The following RIOK3 variants were observed in gnomAD, a reference collection of about 807,000 sequenced individuals.
RIOK3 encodes RIO kinase 3.
In RIOK3, 40 loss-of-function variants were observed where a neutral mutation model predicts 63.5. The ratio of observed to expected loss-of-function variants is 0.63; its 90% CI spans 0.49 to 0.82. The LOEUF is 0.82. Ranked by LOEUF, RIOK3 falls within the 40% of genes least tolerant of loss-of-function variation. The pLI, the probability that RIOK3 is intolerant of heterozygous loss-of-function variation, is 0.00. For synonymous variants in RIOK3, 193 were observed against 205.0 expected (o/e 0.94, Z 0.50); for missense variants, 557 against 637.0 (o/e 0.87, Z 1.35).
At chr18:23,456,899 G>A (rs567996243) in intron 1 of RIOK3, among the ~76,000 whole-genome samples, 100 of 152,258 alleles carry the variant, frequency 6.6e-4, no homozygotes, top group Non-Finnish European at 7.2e-4. Context: ...GGTAATAAGA[G>A]CGTAGTAGAA....
At chr18:23,461,383 C>T (rs956657057) in intron 1 of RIOK3, among the ~76,000 whole-genome samples, 15 of 152,178 alleles carry the variant, frequency 9.9e-5, no homozygotes, top group African/African-American at 3.4e-4. Context: ...GAACCCATCA[C>T]ATCTGCATTT....
intron 1 of RIOK3, among the ~76,000 whole-genome samples, chr18:23,453,853 G>A (rs1350620500): frequency 6.6e-6 from 1 of 152,260 alleles, no homozygotes; most frequent in East Asian, 1.9e-4. Flanking sequence ...GGCCAAGTGA[G>A]TCAGCCGAAT....
intron 7 of RIOK3, among the ~76,000 whole-genome samples, chr18:23,469,673 A>G (rs2057442998): frequency 6.6e-6 from 1 of 151,408 alleles, no homozygotes; most frequent in Non-Finnish European, 1.5e-5. Flanking sequence ...TTTTTAGTAG[A>G]GACGGGGTTT....
At chr18:23,464,375 A>G (rs2057392375) in intron 4 of RIOK3, 62 bp downstream of exon 4, 1 of 1,271,396 alleles carries the variant, frequency 7.9e-7, no homozygotes, top group Non-Finnish European at 1.1e-6. Flanking sequence ...TAATCTTTTC[A>G]ATGAACTCTT....
chr18:23,473,357 A>T (rs2057468285), intron 7 of RIOK3, 72 bp from the exon 8 acceptor site: 1 of 891,484 alleles, frequency 1.1e-6, no homozygotes. Context: ...GTGTTACAGA[A>T]TCTTTATTTT....
chr18:23,453,296 C>CGCG lies in RIOK3; in HGVS notation c.-141_-139dup, dbSNP rs923322804. On this transcript the variant is annotated 5_prime_UTR_variant, in exon 1 of 13. Transcript: ENST00000339486. ...GGAAGAGGAGAGATCCAGTTCCGGA[C>CGCG]GCGGCCGCCGCCGTCGCCGCCATCT... is the stretch of plus-strand genomic sequence containing the variant. 85 of 699,310 alleles carry CGCG rather than the reference C, an allele frequency of 1.2e-4. No individual in the cohort carries two copies. The highest frequency in any genetic ancestry group is 7.5e-4 in the Admixed American group (36 of 48,072). 43.3% of individuals were successfully genotyped at this position (699,310 alleles called of 1,614,324 possible).
intron 3 of RIOK3, 26 bp downstream of exon 3, chr18:23,464,138 T>C: frequency 6.2e-7 from 1 of 1,607,652 alleles, no homozygotes; most frequent in Non-Finnish European, 8.5e-7. Context: ...TGTGACAACT[T>C]CATTGAGTGG....
At chr18:23,466,312 T>A in intron 6 of RIOK3, 36 bp downstream of exon 6, 1 of 1,469,946 alleles carries the variant, frequency 6.8e-7, no homozygotes, top group Non-Finnish European at 9.1e-7. Context: ...TCTTTTTTAC[T>A]AGAAAGATTC....
intron 1 of RIOK3, among the ~76,000 whole-genome samples, chr18:23,455,018 C>G (rs71360524): frequency 0.11 from 16,189 of 151,046 alleles, 1,151 homozygotes; most frequent in Middle Eastern, 0.19. Context: ...CCTTCCTTTC[C>G]TTCCTTTCCT....
intron 7 of RIOK3, among the ~76,000 whole-genome samples, chr18:23,469,314 T>TCCCC (rs1162835243): frequency 7.6e-5 from 2 of 26,372 alleles, no homozygotes; most frequent in Admixed American, 4.8e-4. Context: ...CCTCTCTCTC[T>TCCCC]CTCTCTCTCT....
chr18:23,463,038 A>T lies in RIOK3; in HGVS notation c.138A>T (p.Glu46Asp). The T allele has an allele frequency of 1.2e-6, 2 of 1,610,418 alleles. No homozygotes were observed. The highest frequency in any genetic ancestry group is 1.7e-6 in the Non-Finnish European group (2 of 1,178,748). The change falls in exon 2 of 13, where the codon GAA becomes GAT. Residue 46 changes from glutamate (E) to aspartate (D), a missense_variant. Around this residue, in one of 3 missense-constraint regions of RIOK3, gnomAD observed 243 missense variants for 275.4 expected, o/e 0.88. Transcript: ENST00000339486. The stretch of plus-strand genomic sequence containing the variant: ...TAATGAGTGAACAGCTGGCCAAAGA[A>T]TTGCAGTTAGAAGAAGAAGCTGCCG... ...ADVMSEQLAK[E>D]LQLEEEAAVF...
chr18:23,472,243 A>AG (rs1272078431), intron 7 of RIOK3, among the ~76,000 whole-genome samples: 1 of 149,286 alleles, frequency 6.7e-6, no homozygotes, highest in East Asian at 2.0e-4. Context: ...AAAAAAAAAA[A>AG]GAAATGTGGG....
rs1288610551 is a variant in RIOK3 at position 23,483,128 on chromosome 18, C to T, written c.*1849C>T. On this transcript the variant is annotated 3_prime_UTR_variant, in exon 13 of 13. Coordinates refer to ENST00000339486, the MANE Select transcript of RIOK3 (RefSeq NM_003831.5). ...GCTTTTTAAGAAATTAAAAAGAGAT[C>T]ATTTTAAAATTGGTTCTTTGTGTGG... The T allele has an allele frequency of 6.6e-6, 1 of 152,158 alleles. No individual in the cohort carries two copies. Among genetic ancestry groups the T allele is most frequent in the Non-Finnish European group, 1.5e-5 (1 of 68,038 alleles). The allele number at this position is 152,158 out of a possible 1,614,324, so 9.4% of individuals were successfully genotyped here. A position where few individuals can be genotyped will look rare whatever the true frequency, so the allele number is the denominator to read the frequency against.
intron 7 of RIOK3, among the ~76,000 whole-genome samples, chr18:23,469,494 CT>C (rs1334540352): frequency 1.2e-3 from 152 of 131,784 alleles, no homozygotes; most frequent in African/African-American, 2.3e-3. Context: ...TTCCTTCTTT[CT>C]TTTTTTTTTT....
chr18:23,458,575 T>C (rs537056164), intron 1 of RIOK3, among the ~76,000 whole-genome samples: 15 of 152,290 alleles, frequency 9.8e-5, no homozygotes, highest in Middle Eastern at 3.4e-3. Context: ...GAGTTTGTGT[T>C]GATGAATGGA....
intron 1 of RIOK3, among the ~76,000 whole-genome samples, chr18:23,455,177 T>C (rs768767462): frequency 2.3e-4 from 35 of 152,190 alleles, no homozygotes; most frequent in Non-Finnish European, 4.0e-4. Flanking sequence ...GTTCAGGCAA[T>C]TCTTGTGACT....
chr18:23,483,128 C>A lies in RIOK3; in HGVS notation c.*1849C>A, dbSNP rs1288610551. ...GCTTTTTAAGAAATTAAAAAGAGAT[C>A]ATTTTAAAATTGGTTCTTTGTGTGG... On this transcript the variant is annotated 3_prime_UTR_variant, in exon 13 of 13. Coordinates refer to ENST00000339486, the MANE Select transcript of RIOK3 (RefSeq NM_003831.5). 1.3e-5 allele frequency: 2 copies of A among 152,158 alleles called. No individual in the cohort carries two copies. The highest frequency in any genetic ancestry group is 6.6e-5 in the Admixed American group (1 of 15,266). The allele number at this position is 152,158 out of a possible 1,614,324, so 9.4% of individuals were successfully genotyped here.
intron 8 of RIOK3, 90 bp downstream of exon 8, chr18:23,473,716 A>G (rs1333713907): frequency 4.1e-6 from 4 of 975,660 alleles, no homozygotes; most frequent in Non-Finnish European, 4.5e-6. Flanking sequence ...ACATTCATTT[A>G]TAGAAATAAT....
At chr18:23,455,557 A>G (rs1321537768) in intron 1 of RIOK3, among the ~76,000 whole-genome samples, 5 of 150,552 alleles carry the variant, frequency 3.3e-5, no homozygotes, top group Admixed American at 2.6e-4. Context: ...ACACCCGGCT[A>G]ATTTTTTGTA....
Sources: allele counts gnomAD v4.1 joint callset (sites outside exome capture counted in the v4.1 genomes callset), GRCh38; gene constraint gnomAD v4.1.1; regional missense constraint gnomAD v4.1.1; transcripts MANE v1.5; gene names NCBI Gene and HGNC (gene_info 2026-07-23, HGNC 2026-07-21).